DYNC1H1: variants seen among roughly 807,000 people sequenced by gnomAD.
The protein encoded by DYNC1H1 is dynein cytoplasmic 1 heavy chain 1.
A neutral mutation model predicts 527.1 loss-of-function variants in DYNC1H1; 51 were observed. The ratio of observed to expected loss-of-function variants is 0.10; its 90% confidence interval spans 0.08 to 0.12. DYNC1H1 has a LOEUF of 0.12. Among genes scored for constraint, DYNC1H1 ranks in the 10% least tolerant of loss-of-function variants. The pLI is 1.00. For missense variants in DYNC1H1, 2,771 were observed against 5,971.8 expected (o/e 0.46, Z 17.66); for synonymous variants, 2,189 against 2,278.8 (o/e 0.96, Z 1.12).
In DYNC1H1 at chr14:101,964,837, C is replaced by T. The variant is rs1459755913; in HGVS notation, c.146C>T (p.Pro49Leu). The change falls in exon 1 of 78, where the codon CCG (proline) becomes CTG (leucine). Residue 49 changes from proline to leucine, a missense_variant. By Grantham distance (98) the Pro-to-Leu change is moderately conservative (BLOSUM62 -3). Transcript: ENST00000360184. The surrounding 1 kb of genome is among the most constrained non-coding windows in gnomAD (Gnocchi z 5.5). ...PLLLEDGGEA[P>L]AALEAALEEK... Reference sequence around the variant, plus strand: ...CTGCTGGAGGACGGCGGCGAGGCGCCGGCCGCGCTGGAGGCGGCGCTGGAG... The same window carrying T: ...CTGCTGGAGGACGGCGGCGAGGCGCTGGCCGCGCTGGAGGCGGCGCTGGAG... The T allele has an allele frequency of 1.2e-6, 2 of 1,600,086 alleles. No homozygotes were observed. The highest frequency in any genetic ancestry group is 1.1e-5 in the South Asian group (1 of 89,582).
At chr14:101,989,406 G>C (rs1162796876) in intron 10 of DYNC1H1, among the ~76,000 whole-genome samples, 2 of 152,204 alleles carry the variant, frequency 1.3e-5, no homozygotes, top group South Asian at 2.1e-4. Flanking sequence ...GTAGTAGTCT[G>C]TGCCTCCCGA....
chr14:101,970,605 C>T (rs1449139147), intron 1 of DYNC1H1, among the ~76,000 whole-genome samples: 1 of 150,702 alleles, frequency 6.6e-6, no homozygotes, highest in African/African-American at 2.4e-5. Context: ...GTCTCAGCCT[C>T]CTAAGTAGCT....
chr14:102,010,632 C>T lies in DYNC1H1; in HGVS notation c.6406-108C>T, dbSNP rs2048247713. 6.6e-7 allele frequency: 1 copy of T among 1,526,152 alleles called. No homozygotes were observed. Among genetic ancestry groups the T allele is most frequent in the Non-Finnish European group, 9.0e-7 (1 of 1,114,442 alleles). The allele number at this position is 1,526,152 out of a possible 1,614,324, so 94.5% of individuals were successfully genotyped here. On this transcript the variant is annotated intron_variant, in intron 31 of 77. Coordinates refer to ENST00000360184, the MANE Select transcript of DYNC1H1 (RefSeq NM_001376.5). The surrounding 1 kb of genome is among the most constrained non-coding windows in gnomAD (Gnocchi z 6.0). ...AGTGCACGAATGTGGGCGAGTGGTG[C>T]TCGCACCCTTTGTTCACCAACAGTT...
At chr14:101,990,830 G>GA (rs2047989013) in intron 10 of DYNC1H1, among the ~76,000 whole-genome samples, 5 of 152,032 alleles carry the variant, frequency 3.3e-5, no homozygotes, top group African/African-American at 1.2e-4. Context: ...CCAACATGGT[G>GA]AAACCCCATC....
chr14:102,013,073 C>G (rs1407814212), intron 34 of DYNC1H1, among the ~76,000 whole-genome samples: 1 of 151,918 alleles, frequency 6.6e-6, no homozygotes, highest in African/African-American at 2.4e-5. Flanking sequence ...CATGATGAAA[C>G]CCCATCTCTA....
chr14:102,006,560 G>A (rs1222100062), intron 27 of DYNC1H1, among the ~76,000 whole-genome samples: 2 of 151,054 alleles, frequency 1.3e-5, no homozygotes, highest in Non-Finnish European at 2.9e-5. Flanking sequence ...TATGTGGTGT[G>A]TACATTCTAA....
chr14:101,994,437 T>A, intron 12 of DYNC1H1, 113 bp downstream of exon 12: 1 of 1,498,508 alleles, frequency 6.7e-7, no homozygotes, highest in Non-Finnish European at 9.2e-7. Context: ...TATGGTTCAC[T>A]AGATACTATT....
At position 101,970,475 on chromosome 14, in the gene DYNC1H1, T is replaced by TG. The variant is rs1165803008; in HGVS notation, c.257-5237_257-5236insG. ...ATTAGTATGTTTGGTTTGTTGTTGT[T>TG]TTTTTTTTTTTTTTTTTTTTTTTTT... On this transcript the variant is annotated intron_variant, in intron 1 of 77. Coordinates refer to ENST00000360184, the MANE Select transcript of DYNC1H1 (RefSeq NM_001376.5). Among the ~76,000 whole-genome samples the TG allele has an allele frequency of 7.9e-4, 89 of 111,972 alleles. 4 individuals are homozygous for TG. Among genetic ancestry groups the TG allele is most frequent in the Middle Eastern group, 7.8e-3 (2 of 256 alleles). 73.5% of individuals were successfully genotyped at this position (111,972 alleles called of 152,430 possible).
chr14:102,038,984 TG>T lies in DYNC1H1; in HGVS notation c.11207-16del, dbSNP rs774463607. The T allele has an allele frequency of 6.2e-7, 1 of 1,614,016 alleles. No homozygotes were observed. Among genetic ancestry groups the T allele is most frequent in the Non-Finnish European group, 8.5e-7 (1 of 1,180,032 alleles). On this transcript the variant is annotated splice_polypyrimidine_tract_variant and intron_variant, in intron 59 of 77. Coordinates refer to ENST00000360184, the MANE Select transcript of DYNC1H1 (RefSeq NM_001376.5). This position sits in a 1 kb window ranked among gnomAD's most constrained non-coding sequence, Gnocchi z 7.2. ...TTGAAGGATTATTGCAAACTCTGGA[TG>T]TTTTATTCATTTAAGGGGAATTTCA...
chr14:102,050,538 G>T lies in DYNC1H1; in HGVS notation c.13916G>T (p.Gly4639Val). ...KEDPRSFYER[G>V]VAVLCTE ...GATCCTCGCAGCTTCTACGAGCGGG[G>T]TGTCGCAGTCTTGTGCACAGAGTAA... Residue 4639 changes from glycine to valine, a missense_variant, in exon 78 of 78, where the codon GGT becomes GTT. Physicochemically the swap from Gly to Val is moderately radical, Grantham distance 109. Transcript: ENST00000360184. 2 of 1,614,226 alleles carry T rather than the reference G, an allele frequency of 1.2e-6. No homozygotes were observed. Among genetic ancestry groups the T allele is most frequent in the South Asian group, 1.1e-5 (1 of 91,076 alleles).
At chr14:102,008,067 G>C in intron 28 of DYNC1H1, 111 bp from the exon 29 acceptor site, 1 of 1,514,634 alleles carries the variant, frequency 6.6e-7, no homozygotes, top group Non-Finnish European at 9.1e-7. Context: ...TTTCGCTAAA[G>C]ACAAACCCAC....
In DYNC1H1 at chr14:102,036,578, T is replaced by C; in HGVS notation, c.10844T>C (p.Leu3615Pro). ...CGTAAGATCACACGGACCAGCTTCC[T>C]GGATGACGCCTTCAGAAAGAACTTA... ...KDRKITRTSF[L>P]DDAFRKNLES... The change falls in exon 57 of 78, where the codon CTG becomes CCG. Residue 3615 changes from leucine (L) to proline (P), a missense_variant. This residue lies in a region of DYNC1H1 where 283 missense variants were observed against 737.6 expected (regional missense o/e 0.38). Coordinates refer to ENST00000360184, the MANE Select transcript of DYNC1H1 (RefSeq NM_001376.5). The surrounding 1 kb of genome is among the most constrained non-coding windows in gnomAD (Gnocchi z 5.6). 1 of 1,614,224 alleles carries C rather than the reference T, an allele frequency of 6.2e-7. No homozygotes were observed.
At chr14:102,026,266 A>G (rs1352816855) in intron 43 of DYNC1H1, among the ~76,000 whole-genome samples, 2 of 152,170 alleles carry the variant, frequency 1.3e-5, no homozygotes, top group African/African-American at 4.8e-5. Context: ...CATTGAACTT[A>G]TGGATGAGTT....
chr14:102,048,273 G>A (rs772623951), intron 73 of DYNC1H1: 16 of 714,008 alleles, frequency 2.2e-5, no homozygotes, highest in Non-Finnish European at 2.8e-5. Context: ...GCGAGCAGCC[G>A]CAGCCCTTCC....
In DYNC1H1 at chr14:102,018,669, G is replaced by A. The variant is rs2048352374; in HGVS notation, c.8343+53G>A. The A allele has an allele frequency of 6.3e-7, 1 of 1,597,928 alleles. No homozygotes were observed. The highest frequency in any genetic ancestry group is 1.7e-5 in the Admixed American group (1 of 58,812). The stretch of plus-strand genomic sequence containing the variant: ...AAATTGTTTTCCTCTCATAATTAAG[G>A]CACTCGATTGGTCAGGTGTGGTGGT... On this transcript the variant is annotated intron_variant, in intron 41 of 77. Coordinates refer to ENST00000360184, the MANE Select transcript of DYNC1H1 (RefSeq NM_001376.5). The surrounding 1 kb of genome is among the most constrained non-coding windows in gnomAD (Gnocchi z 5.2).
chr14:102,008,701 T>G (rs2048225157), intron 29 of DYNC1H1, among the ~76,000 whole-genome samples: 1 of 151,458 alleles, frequency 6.6e-6, no homozygotes, highest in Admixed American at 6.6e-5. Context: ...GCAGGGAGAG[T>G]CCCTTGAACC....
In DYNC1H1 at chr14:102,022,686, G is replaced by C. The variant is rs1196035071; in HGVS notation, c.8508-65G>C. On this transcript the variant is annotated intron_variant, in intron 42 of 77. Coordinates refer to ENST00000360184, the MANE Select transcript of DYNC1H1 (RefSeq NM_001376.5). ...AGAGCCCACAGCACCCACAAACATGGTGAACATGGTGCTTCTTCACCGTGC... is the reference window on the plus strand; with the variant it reads ...AGAGCCCACAGCACCCACAAACATGCTGAACATGGTGCTTCTTCACCGTGC... 1.9e-6 allele frequency: 3 copies of C among 1,611,440 alleles called. No individual in the cohort carries two copies. In the East Asian group the frequency reaches 6.7e-5, roughly 36 times the overall value.
In DYNC1H1 at chr14:102,004,848, C is replaced by T. The variant is rs1460196440; in HGVS notation, c.5136C>T (p.Thr1712=). Residue 1712 remains threonine (T), a synonymous_variant, in exon 25 of 78, where the codon ACC becomes ACT. Coordinates refer to ENST00000360184, the MANE Select transcript of DYNC1H1 (RefSeq NM_001376.5). ...TGGTAGAAAAGGAGATGAGAGTCAC[C>T]CTGGCCAAACTGCTTGCTGAGTCTG... ...LTLVEKEMRV[T]LAKLLAESVT... 1.2e-5 allele frequency: 19 copies of T among 1,614,012 alleles called. No individual in the cohort carries two copies. Among genetic ancestry groups the T allele is most frequent in the Non-Finnish European group, 1.4e-5 (17 of 1,180,056 alleles).
intron 5 of DYNC1H1, among the ~76,000 whole-genome samples, chr14:101,982,587 G>C (rs572731118): frequency 2.6e-5 from 4 of 151,866 alleles, no homozygotes; most frequent in Non-Finnish European, 4.4e-5. Flanking sequence ...GCAAAACTCC[G>C]TCTCAAAAAA....
Sources: gnomAD v4.1 joint callset for allele counts (sites outside exome capture counted in the v4.1 genomes callset) on GRCh38, gnomAD v4.1.1 for gene constraint, gnomAD v4.1.1 regional missense constraint, Gnocchi (gnomAD v3.1) non-coding constraint, MANE v1.5 for transcripts, NCBI Gene and HGNC (gene_info 2026-07-23, HGNC 2026-07-21) for gene names.